CDH18: variants seen among roughly 807,000 people sequenced by gnomAD.
The protein encoded by CDH18 is cadherin-18.
In CDH18, 31 loss-of-function variants were observed where a neutral mutation model predicts 67.9. The observed-to-expected ratio is 0.46, with a 90% confidence interval of 0.34 to 0.62. The LOEUF (loss-of-function observed/expected upper bound fraction) is 0.62. Ranked by LOEUF, CDH18 falls within the 20% of genes least tolerant of loss-of-function variation. The probability of loss-of-function intolerance (pLI) is 0.01; values close to 1 mark genes in which losing one functional copy is unlikely to be tolerated. For synonymous variants in CDH18, 362 were observed against 347.2 expected (o/e 1.04, Z -0.48); for missense variants, 890 against 975.5 (o/e 0.91, Z 1.17).
intron 2 of CDH18, among the ~76,000 whole-genome samples, chr5:20,097,239 T>C (rs1022229337): frequency 2.0e-5 from 3 of 152,138 alleles, no homozygotes; most frequent in African/African-American, 7.2e-5. Flanking sequence ...GTTAATCTGT[T>C]GTCATAGTGC....
At chr5:20,283,555 C>T (rs1225032084) in intron 1 of CDH18, among the ~76,000 whole-genome samples, 1 of 151,818 alleles carries the variant, frequency 6.6e-6, no homozygotes, top group African/African-American at 2.4e-5. Flanking sequence ...AATTAAATAT[C>T]ATTTGACCCT....
chr5:20,135,055 G>C (rs1351664783), intron 2 of CDH18, among the ~76,000 whole-genome samples: 1 of 152,092 alleles, frequency 6.6e-6, no homozygotes, highest in East Asian at 1.9e-4. Flanking sequence ...AGAAAGGTGA[G>C]ACAGGCCTGG....
chr5:19,904,337 A>T (rs1328086302), intron 2 of CDH18, among the ~76,000 whole-genome samples: 1 of 112,672 alleles, frequency 8.9e-6, no homozygotes, highest in African/African-American at 3.3e-5. Flanking sequence ...AAGAGAGAGA[A>T]GGGAGGGAGG....
chr5:20,027,326 C>T (rs1738999536), intron 2 of CDH18, among the ~76,000 whole-genome samples: 1 of 152,074 alleles, frequency 6.6e-6, no homozygotes, highest in South Asian at 2.1e-4. Context: ...ACATTTAAAT[C>T]AAATATAAAT....
intron 2 of CDH18, among the ~76,000 whole-genome samples, chr5:19,878,938 G>C (rs1034865978): frequency 6.6e-6 from 1 of 151,866 alleles, no homozygotes; most frequent in African/African-American, 2.4e-5. Context: ...TATTCAAGGA[G>C]ATCAAATAGA....
intron 1 of CDH18, among the ~76,000 whole-genome samples, chr5:20,298,083 C>T (rs1303370863): frequency 6.6e-6 from 1 of 152,096 alleles, no homozygotes; most frequent in African/African-American, 2.4e-5. Flanking sequence ...AAAAAGGGAA[C>T]TTGCCTGTCT....
intron 1 of CDH18, among the ~76,000 whole-genome samples, chr5:20,525,154 A>G (rs1171072822): frequency 6.6e-6 from 1 of 152,150 alleles, no homozygotes; most frequent in Admixed American, 6.6e-5. Flanking sequence ...TTAACTTTGT[A>G]AGGATATACT....
At chr5:19,904,228 C>T (rs971091138) in intron 2 of CDH18, among the ~76,000 whole-genome samples, 1 of 149,978 alleles carries the variant, frequency 6.7e-6, no homozygotes, top group Non-Finnish European at 1.5e-5. Flanking sequence ...GAGCCAAGAT[C>T]GCACCATTGA....
intron 3 of CDH18, among the ~76,000 whole-genome samples, chr5:19,752,995 A>G (rs1349343448): frequency 6.6e-6 from 1 of 152,184 alleles, no homozygotes; most frequent in Non-Finnish European, 1.5e-5. Flanking sequence ...ACACTATGTG[A>G]AGGAAACACC....
intron 2 of CDH18, among the ~76,000 whole-genome samples, chr5:20,212,556 C>T (rs1052934250): frequency 6.6e-6 from 1 of 152,052 alleles, no homozygotes. Context: ...CAAAGGGAAG[C>T]CCATCAGACT....
At chr5:19,706,880 G>A (rs981504545) in intron 5 of CDH18, among the ~76,000 whole-genome samples, 2 of 152,136 alleles carry the variant, frequency 1.3e-5, no homozygotes, top group African/African-American at 4.8e-5. Context: ...ATATACAACT[G>A]AATCTAGCAT....
At chr5:19,524,173 T>C (rs1002239239) in intron 9 of CDH18, among the ~76,000 whole-genome samples, 1 of 151,700 alleles carries the variant, frequency 6.6e-6, no homozygotes, top group South Asian at 2.1e-4. Flanking sequence ...AAGAATTACA[T>C]TATATATATG....
chr5:20,137,501 T>G (rs1464359894), intron 2 of CDH18, among the ~76,000 whole-genome samples: 1 of 152,086 alleles, frequency 6.6e-6, no homozygotes, highest in Non-Finnish European at 1.5e-5. Context: ...TTTTCATGGT[T>G]TTTAGCTGCT....
chr5:20,019,784 G>T (rs2150430572), intron 2 of CDH18, among the ~76,000 whole-genome samples: 1 of 152,306 alleles, frequency 6.6e-6, no homozygotes, highest in Admixed American at 6.5e-5. Context: ...GTGGGGCATT[G>T]CTATATAGAT....
chr5:20,305,592 G>A (rs10462086), intron 1 of CDH18: 29,620 of 542,936 alleles, frequency 0.055, 1,384 homozygotes, highest in South Asian at 0.14. Context: ...TGCGCTGCGG[G>A]CCTCAGAGGA....
In CDH18 at chr5:19,743,677, T is replaced by C. The variant is rs1378535727; in HGVS notation, c.523+3265A>G. 2.6e-5 allele frequency among the ~76,000 whole-genome samples: 4 copies of C among 152,224 alleles called. No homozygotes were observed. In the East Asian group the frequency reaches 7.7e-4, roughly 29 times the overall value. ...GGCTCACACTTCTAATCCCAGCACT[T>C]TGGGAGACCCAGAAGGGCGGATCAT... On this transcript the variant is annotated intron_variant, in intron 4 of 12. Transcript: ENST00000382275.
In CDH18 at chr5:19,995,202, T is replaced by C. The variant is rs976216368; in HGVS notation, c.-517-3188A>G. ...TTGGACACACTTTGAAGTACTGTTTTACCAGCTATCTAAGCATCACTTAGC... is the reference window on the plus strand; with the variant it reads ...TTGGACACACTTTGAAGTACTGTTTCACCAGCTATCTAAGCATCACTTAGC... On this transcript the variant is annotated intron_variant, in intron 2 of 14. Coordinates refer to the CDH18 transcript ENST00000507958. 3.9e-5 allele frequency among the ~76,000 whole-genome samples: 6 copies of C among 152,050 alleles called. No homozygotes were observed. In the South Asian group the frequency reaches 1.2e-3, roughly 31 times the overall value.
chr5:19,862,115 A>G (rs1251765910), intron 2 of CDH18, among the ~76,000 whole-genome samples: 1 of 152,186 alleles, frequency 6.6e-6, no homozygotes, highest in East Asian at 1.9e-4. Flanking sequence ...GAACATGCCC[A>G]TGGAGGAGAG....
intron 1 of CDH18, among the ~76,000 whole-genome samples, chr5:20,555,535 C>G (rs1461833492): frequency 1.4e-5 from 2 of 147,422 alleles, no homozygotes; most frequent in South Asian, 2.2e-4. Flanking sequence ...ACCTCTGCCT[C>G]CCTGGTTCAA....
Sources: gnomAD v4.1 joint callset for allele counts (sites outside exome capture counted in the v4.1 genomes callset) on GRCh38, gnomAD v4.1.1 for gene constraint, MANE v1.5 for transcripts, NCBI Gene and HGNC (gene_info 2026-07-23, HGNC 2026-07-21) for gene names.